Variants in NLRP1 observed in about 807,000 individuals in gnomAD.
NLRP1 encodes NLR family pyrin domain containing 1.
In NLRP1, 94 loss-of-function variants were observed where a neutral mutation model predicts 136.7. The ratio of observed to expected loss-of-function variants is 0.69; its 90% CI spans 0.58 to 0.82. NLRP1 has a LOEUF of 0.82. NLRP1 is among the 40% of genes least tolerant of loss of function. NLRP1 has a pLI of 0.00. For missense variants in NLRP1, 1,575 were observed against 1,802.7 expected (o/e 0.87, Z 2.29); for synonymous variants, 690 against 725.1 (o/e 0.95, Z 0.78).
At chr17:5,506,170 G>C (rs1198020434) in intron 15 of NLRP1, among the ~76,000 whole-genome samples, 1 of 151,776 alleles carries the variant, frequency 6.6e-6, no homozygotes, top group Non-Finnish European at 1.5e-5. Context: ...TGTAATCACG[G>C]CTACCCGAGA....
intron 15 of NLRP1, chr17:5,503,678 G>C (rs180944438): frequency 1.3e-5 from 2 of 152,168 alleles, no homozygotes; most frequent in East Asian, 1.9e-4. Context: ...CCAGCAACAA[G>C]AGCTAACTTC....
At chr17:5,525,952 T>C (rs531335470) in intron 12 of NLRP1, among the ~76,000 whole-genome samples, 1 of 150,866 alleles carries the variant, frequency 6.6e-6, no homozygotes, top group Non-Finnish European at 1.5e-5. Flanking sequence ...TGGTAACTCT[T>C]GGGGTCTGGG....
chr17:5,573,841 ACC>A (rs1904700059), intron 3 of NLRP1, among the ~76,000 whole-genome samples: 1 of 152,164 alleles, frequency 6.6e-6, no homozygotes, highest in African/African-American at 2.4e-5. Flanking sequence ...GGTAGATAAA[ACC>A]ACAAAGATGG....
At chr17:5,509,241 C>G (rs1207387496), downstream of NLRP1, among the ~76,000 whole-genome samples, 3 of 152,176 alleles carry the variant, frequency 2.0e-5, no homozygotes, top group African/African-American at 7.2e-5. Flanking sequence ...TCCTACCTGC[C>G]TGGGGCTAAC....
At chr17:5,517,500 G>T (rs1033980151) in intron 15 of NLRP1, among the ~76,000 whole-genome samples, 7 of 151,994 alleles carry the variant, frequency 4.6e-5, no homozygotes, top group Non-Finnish European at 7.4e-5. Flanking sequence ...CGATTCTTCT[G>T]CCTCAGCCTC....
At chr17:5,533,628 A>C (rs1341389752) in intron 9 of NLRP1, among the ~76,000 whole-genome samples, 1 of 149,166 alleles carries the variant, frequency 6.7e-6, no homozygotes, top group East Asian at 2.0e-4. Flanking sequence ...GCAGCCAAGA[A>C]TGGAAGAGGC....
chr17:5,518,046 T>G, intron 14 of NLRP1, 159 bp from the exon 15 acceptor site: 1 of 670,296 alleles, frequency 1.5e-6, no homozygotes, highest in Non-Finnish European at 2.5e-6. Context: ...TTTTCCCAAT[T>G]TTCCACAGAA....
chr17:5,575,375 A>T (rs955732747), intron 3 of NLRP1, among the ~76,000 whole-genome samples: 2 of 152,170 alleles, frequency 1.3e-5, no homozygotes, highest in African/African-American at 4.8e-5. Flanking sequence ...TATTCAGGAA[A>T]CCCATCTCAC....
chr17:5,584,075 G>C lies in NLRP1; in HGVS notation c.-118C>G. ...TCTTACCGTCTCTTATTCAGCATTC[G>C]GAACCCAGTTTTATAAATCCCAGGG... On this transcript the variant is annotated 5_prime_UTR_variant, in exon 1 of 17. Coordinates refer to ENST00000572272, the MANE Select transcript of NLRP1 (RefSeq NM_033004.4). 9.9e-7 allele frequency: 1 copy of C among 1,006,462 alleles called. No individual in the cohort carries two copies. The highest frequency in any genetic ancestry group is 1.4e-6 in the Non-Finnish European group (1 of 703,036). 62.3% of individuals were successfully genotyped at this position (1,006,462 alleles called of 1,614,324 possible). A position where few individuals can be genotyped will look rare whatever the true frequency, so the allele number is the denominator to read the frequency against.
chr17:5,541,927 G>A lies in NLRP1; in HGVS notation c.2629C>T (p.Leu877Phe), dbSNP rs2151775167. The change falls in exon 6 of 17, where the codon CTC becomes TTC. Residue 877 changes from leucine to phenylalanine, a missense_variant. By Grantham distance (22) the Leu-to-Phe change is conservative. Coordinates refer to ENST00000572272, the MANE Select transcript of NLRP1 (RefSeq NM_033004.4). The surrounding 1 kb of genome is among the most constrained non-coding windows in gnomAD (Gnocchi z 4.2). ...LTELDLSFNV[L>F]TDAGAKHLCQ... The stretch of plus-strand genomic sequence containing the variant: ...AGGTGTTTGGCTCCAGCATCCGTGA[G>A]CACATTGAAGCTCAGGTCCAGCTCG... 6.2e-7 allele frequency: 1 copy of A among 1,614,108 alleles called. No homozygotes were observed. Among genetic ancestry groups the A allele is most frequent in the Non-Finnish European group, 8.5e-7 (1 of 1,180,032 alleles).
intron 11 of NLRP1, among the ~76,000 whole-genome samples, chr17:5,531,361 A>G (rs1213279773): frequency 3.3e-5 from 5 of 152,118 alleles, no homozygotes; most frequent in Non-Finnish European, 7.4e-5. Flanking sequence ...GACTACAGGT[A>G]CATGTCACCA....
At position 5,558,756 on chromosome 17, in the gene NLRP1, G is replaced by C; in HGVS notation, c.1940C>G (p.Ser647Cys). 1.9e-6 allele frequency: 3 copies of C among 1,614,104 alleles called. No homozygotes were observed. Among genetic ancestry groups the C allele is most frequent in the Non-Finnish European group, 2.5e-6 (3 of 1,180,006 alleles). Residue 647 changes from serine to cysteine, a missense_variant, in exon 4 of 17, where the codon TCT becomes TGT. By Grantham distance (112) the Ser-to-Cys change is moderately radical. Transcript: ENST00000572272. Reference protein sequence around the residue: ...LEDEKGRGKHSNCIIDLEKTL... With the variant: ...LEDEKGRGKHCNCIIDLEKTL... ...CTTTTCCAAATCTATGATGCAATTA[G>C]AATGTTTACCTCTCCCCTTCTCATC...
chr17:5,521,299 C>T (rs1228317051), intron 13 of NLRP1, among the ~76,000 whole-genome samples: 2 of 152,166 alleles, frequency 1.3e-5, no homozygotes, highest in Non-Finnish European at 2.9e-5. Context: ...AAGAAACTGT[C>T]CAAAGATCAG....
chr17:5,577,772 A>G (rs1905165734), intron 3 of NLRP1, among the ~76,000 whole-genome samples: 1 of 152,238 alleles, frequency 6.6e-6, no homozygotes, highest in Non-Finnish European at 1.5e-5. Context: ...AAAAGTTCAT[A>G]TGGAACCAAA....
downstream of NLRP1, among the ~76,000 whole-genome samples, chr17:5,510,712 T>C (rs1907583113): frequency 6.6e-6 from 1 of 152,006 alleles, no homozygotes; most frequent in African/African-American, 2.4e-5. Flanking sequence ...GGGGTCTTGC[T>C]ATGTTGCCCA....
rs1914438822 is a variant in NLRP1 at position 5,559,078 on chromosome 17, G to A, written c.1618C>T (p.Leu540Phe). The A allele has an allele frequency of 6.2e-7, 1 of 1,614,188 alleles. No individual in the cohort carries two copies. Among genetic ancestry groups the A allele is most frequent in the Non-Finnish European group, 8.5e-7 (1 of 1,180,034 alleles). Residue 540 changes from leucine (L) to phenylalanine (F), a missense_variant, in exon 4 of 17, where the codon CTC becomes TTC. Leu to Phe is a conservative substitution (Grantham distance 22). Transcript: ENST00000572272. ...LMQQMKRKEK[L>F]TLTSKTTTTL... ...GTGGTGGTCTTGGAAGTCAGTGTGA[G>A]TTTTTCCTTCCGCTTCATCTGCTGC...
At chr17:5,548,207 C>T (rs1276141598) in intron 5 of NLRP1, among the ~76,000 whole-genome samples, 1 of 152,220 alleles carries the variant, frequency 6.6e-6, no homozygotes, top group Admixed American at 6.5e-5. Flanking sequence ...TCAACCCTCA[C>T]ACTCACTCCT....
chr17:5,552,049 A>G (rs1243828241), intron 5 of NLRP1, among the ~76,000 whole-genome samples: 1 of 143,206 alleles, frequency 7.0e-6, no homozygotes, highest in Non-Finnish European at 1.5e-5. Context: ...ATTTGGGATT[A>G]CAGGCATGGG....
At chr17:5,524,726 CTAG>C (rs1909317777) in intron 12 of NLRP1, among the ~76,000 whole-genome samples, 1 of 152,238 alleles carries the variant, frequency 6.6e-6, no homozygotes, top group African/African-American at 2.4e-5. Context: ...AGCCATGGTC[CTAG>C]GACCAGATCC....
Sources: allele counts gnomAD v4.1 joint callset (sites outside exome capture counted in the v4.1 genomes callset), GRCh38; gene constraint gnomAD v4.1.1; non-coding constraint Gnocchi (gnomAD v3.1); transcripts MANE v1.5; gene names NCBI Gene and HGNC (gene_info 2026-07-23, HGNC 2026-07-21).